Variants in FAM13A observed in about 807,000 individuals in gnomAD.
FAM13A encodes the protein protein FAM13A.
FAM13A carries 76 observed loss-of-function variants against 129.6 expected under a neutral mutation model. That is an observed-to-expected ratio of 0.59 (90% CI 0.49 to 0.71). The LOEUF is 0.71. FAM13A is among the 30% of genes least tolerant of loss of function. The pLI, the probability that FAM13A is intolerant of heterozygous loss-of-function variation, is 0.00. For missense variants in FAM13A, 1,108 were observed against 1,249.3 expected (o/e 0.89, Z 1.70); for synonymous variants, 443 against 449.9 (o/e 0.98, Z 0.20).
intron 6 of FAM13A, among the ~76,000 whole-genome samples, chr4:88,859,430 G>A (rs940585077): frequency 2.0e-5 from 3 of 152,108 alleles, no homozygotes; most frequent in African/African-American, 7.2e-5. Flanking sequence ...GAAGAAGGAA[G>A]AACACTGTGG....
chr4:88,908,598 A>G (rs1232925428), intron 5 of FAM13A, among the ~76,000 whole-genome samples: 1 of 152,212 alleles, frequency 6.6e-6, no homozygotes, highest in East Asian at 1.9e-4. Flanking sequence ...ACTTTTTCCT[A>G]TAAGACTCTG....
chr4:88,945,982 G>GTGTGTGTGTATGTATGTA (rs1422901113), intron 4 of FAM13A, among the ~76,000 whole-genome samples: 2 of 24,828 alleles, frequency 8.1e-5, no homozygotes, highest in African/African-American at 4.8e-4. Context: ...GTGTGTGTGT[G>GTGTGTGTGTATGTATGTA]TGTGTGTGTA....
At chr4:88,881,350 T>C (rs1345122595) in intron 6 of FAM13A, among the ~76,000 whole-genome samples, 1 of 152,172 alleles carries the variant, frequency 6.6e-6, no homozygotes. Flanking sequence ...GTAGCTCCAC[T>C]GGGTGGCTAG....
intron 3 of FAM13A, among the ~76,000 whole-genome samples, chr4:89,001,257 T>C (rs545591670): frequency 7.9e-5 from 12 of 152,318 alleles, no homozygotes; most frequent in Non-Finnish European, 1.6e-4. Flanking sequence ...TATGAAGTCA[T>C]CTGTGGAAAC....
rs764465644 is a variant in FAM13A, at chr4:88,750,592, G to T, written c.1772C>A (p.Ser591Tyr). 6.2e-7 allele frequency: 1 copy of T among 1,614,146 alleles called. No homozygotes were observed. The highest frequency in any genetic ancestry group is 1.1e-5 in the South Asian group (1 of 91,084). The change falls in exon 15 of 24, where the codon TCT (serine) becomes TAT (tyrosine). Residue 591 changes from serine to tyrosine, a missense_variant. By Grantham distance (144) the Ser-to-Tyr change is moderately radical. Coordinates refer to ENST00000264344, the MANE Select transcript of FAM13A (RefSeq NM_014883.4). Reference protein sequence around the residue: ...FSSWQRENSDSDEAHLSPQAG... With the variant: ...FSSWQRENSDYDEAHLSPQAG... ...CTGCGGCGAGAGGTGGGCTTCATCA[G>T]AGTCACTGTTCTCCCGCTGCCAGGA...
chr4:88,803,356 C>T (rs1340111066), intron 8 of FAM13A, among the ~76,000 whole-genome samples: 2 of 152,016 alleles, frequency 1.3e-5, no homozygotes, highest in African/African-American at 4.8e-5. Context: ...TATGACTCAA[C>T]ATTGAAAATA....
At chr4:88,800,201 A>G (rs1401380584) in intron 8 of FAM13A, among the ~76,000 whole-genome samples, 1 of 152,202 alleles carries the variant, frequency 6.6e-6, no homozygotes, top group African/African-American at 2.4e-5. Context: ...CAGTTTTACA[A>G]GATGCAAAGA....
At position 88,906,427 on chromosome 4, in the gene FAM13A, T is replaced by C; in HGVS notation, c.795A>G (p.Leu265=). The change falls in exon 6 of 24, where the codon TTA becomes TTG. Residue 265 remains leucine, a synonymous_variant. Coordinates refer to ENST00000264344, the MANE Select transcript of FAM13A (RefSeq NM_014883.4). ...GCATGTCTCTTTCTAAGCCTCTTGT[T>C]AAAAGGATGGGCAGGGAGTTCTTAT... is the stretch of plus-strand genomic sequence containing the variant. ...VYYKNSLPIL[L]TRGLERDMPK... The C allele has an allele frequency of 6.2e-7, 1 of 1,612,122 alleles. No individual in the cohort carries two copies. The highest frequency in any genetic ancestry group is 2.2e-5 in the East Asian group (1 of 44,774).
intron 7 of FAM13A, among the ~76,000 whole-genome samples, chr4:88,823,583 C>G (rs1190148879): frequency 6.6e-6 from 1 of 152,242 alleles, no homozygotes; most frequent in African/African-American, 2.4e-5. Context: ...CAAGGAAAGA[C>G]ACTGCCCACG....
intron 11 of FAM13A, 144 bp from the exon 12 acceptor site, chr4:88,768,203 A>G (rs3756049): frequency 0.7 from 377,012 of 538,118 alleles, 138,562 homozygotes; most frequent in Non-Finnish European, 0.8. Context: ...TGTTTAAACT[A>G]GTAAAATTAT....
At chr4:88,823,058 T>C in intron 7 of FAM13A, 10 of 1,611,436 alleles carry the variant, frequency 6.2e-6, no homozygotes, top group Non-Finnish European at 7.6e-6. Context: ...CACGGCAAGT[T>C]TGGTCGTCTG....
At chr4:88,812,030 C>G (rs996040516) in intron 7 of FAM13A, among the ~76,000 whole-genome samples, 3 of 152,096 alleles carry the variant, frequency 2.0e-5, no homozygotes, top group Admixed American at 6.5e-5. Flanking sequence ...CACTCTCCCC[C>G]CTGCTCATTG....
chr4:89,023,430 T>A (rs781293734), intron 2 of FAM13A, among the ~76,000 whole-genome samples: 1 of 151,926 alleles, frequency 6.6e-6, no homozygotes, highest in African/African-American at 2.4e-5. Flanking sequence ...TCACATGATG[T>A]TGTTTTTTTT....
chr4:88,802,836 C>G (rs1311356556), intron 8 of FAM13A, among the ~76,000 whole-genome samples: 1 of 152,136 alleles, frequency 6.6e-6, no homozygotes, highest in Non-Finnish European at 1.5e-5. Context: ...ACTCCAGTAG[C>G]AGGATTCCCA....
At chr4:88,990,859 A>G in intron 4 of FAM13A, 114 bp downstream of exon 4, 3 of 784,444 alleles carry the variant, frequency 3.8e-6, no homozygotes, top group Non-Finnish European at 6.1e-6. Context: ...CTTCTCCAAA[A>G]TAAGCTGGCT....
chr4:88,776,767 G>A (rs545643181), intron 11 of FAM13A, among the ~76,000 whole-genome samples: 1 of 152,246 alleles, frequency 6.6e-6, no homozygotes, highest in African/African-American at 2.4e-5. Context: ...TTGAGGTCAG[G>A]AGTTCAGGAC....
At chr4:88,968,399 A>G (rs748730008) in intron 4 of FAM13A, among the ~76,000 whole-genome samples, 7 of 152,234 alleles carry the variant, frequency 4.6e-5, no homozygotes, top group Non-Finnish European at 8.8e-5. Context: ...GTACAAAAAT[A>G]TATAATCAGT....
At chr4:89,024,359 GAA>G (rs142124717) in intron 2 of FAM13A, among the ~76,000 whole-genome samples, 4,005 of 152,170 alleles carry the variant, frequency 0.026, 73 homozygotes, top group Non-Finnish European at 0.037. Context: ...TTGTCAGCGA[GAA>G]AAAGAGTTTA....
intron 4 of FAM13A, among the ~76,000 whole-genome samples, chr4:88,940,474 A>T (rs758426940): frequency 3.9e-5 from 6 of 152,230 alleles, no homozygotes; most frequent in Non-Finnish European, 8.8e-5. Context: ...CTTACCACTT[A>T]CAGTAAAATG....
Sources: gnomAD v4.1 joint callset for allele counts (sites outside exome capture counted in the v4.1 genomes callset) on GRCh38, gnomAD v4.1.1 for gene constraint, MANE v1.5 for transcripts, NCBI Gene and HGNC (gene_info 2026-07-23, HGNC 2026-07-21) for gene names.